The following SDR42E2 variants were observed in gnomAD, a reference collection of about 807,000 sequenced individuals.
SDR42E2 encodes the protein putative short-chain dehydrogenase/reductase family 42E member 2.
SDR42E2 carries 20 observed loss-of-function variants against 10.5 expected under a neutral mutation model. The observed-to-expected ratio is 1.90, with a 90% CI of 1.34 to 2.77. The LOEUF is 2.77. Ranked by LOEUF, SDR42E2 falls within the 30% of genes most tolerant of loss-of-function variation. The probability of loss-of-function intolerance (pLI) is 0.00; values close to 1 mark genes in which losing one functional copy is unlikely to be tolerated. For missense variants in SDR42E2, 162 were observed against 104.2 expected (o/e 1.55, Z -2.42); for synonymous variants, 72 against 39.2 (o/e 1.84, Z -3.12).
At chr16:22,178,005 C>A in intron 7 of SDR42E2, 125 bp from the exon 8 acceptor site, 2 of 590,270 alleles carry the variant, frequency 3.4e-6, no homozygotes, top group South Asian at 2.0e-5. Flanking sequence ...AACGAGGAAG[C>A]CCCTGGGCCG....
chr16:22,178,177 G>A lies in SDR42E2; in HGVS notation c.637G>A (p.Gly213Ser), dbSNP rs767684038. The change falls in exon 8 of 13, where the codon GGC (glycine) becomes AGC (serine). Residue 213 changes from glycine (G) to serine (S), a missense_variant. Transcript: ENST00000602312. ...TCVLRPPGIYGPEEQRHLPRV... is the reference protein window; with the variant it reads ...TCVLRPPGIYSPEEQRHLPRV... ...TGTGCTCCGGCCTCCAGGGATCTAC[G>A]GCCCTGAAGAGCAGAGGCACCTGCC... is the stretch of plus-strand genomic sequence containing the variant. 4 of 702,688 alleles carry A rather than the reference G, an allele frequency of 5.7e-6. No individual in the cohort carries two copies. Among genetic ancestry groups the A allele is most frequent in the African/African-American group, 1.7e-5 (1 of 57,236 alleles). The allele number at this position is 702,688 out of a possible 1,614,324, so 43.5% of individuals were successfully genotyped here. A position where few individuals can be genotyped will look rare whatever the true frequency, so the allele number is the denominator to read the frequency against.
intron 5 of SDR42E2, 71 bp from the exon 6 acceptor site, chr16:22,170,762 G>A: frequency 7.1e-6 from 5 of 700,284 alleles, no homozygotes; most frequent in Non-Finnish European, 2.6e-6. Flanking sequence ...GCTCACTTGT[G>A]TCCCGTGTGT....
chr16:22,177,451 AC>A (rs2046653786), intron 7 of SDR42E2, among the ~76,000 whole-genome samples: 1 of 151,916 alleles, frequency 6.6e-6, no homozygotes, highest in Non-Finnish European at 1.5e-5. Flanking sequence ...ACATGGTGAA[AC>A]CCCGTCTCTA....
At chr16:22,171,023 T>C in intron 6 of SDR42E2, 72 bp downstream of exon 6, 1 of 698,112 alleles carries the variant, frequency 1.4e-6, no homozygotes. Context: ...GAGGGATGGG[T>C]GGAAGCAGGG....
intron 10 of SDR42E2, among the ~76,000 whole-genome samples, chr16:22,183,237 C>T (rs7201795): frequency 0.019 from 2,878 of 152,164 alleles, 95 homozygotes; most frequent in African/African-American, 0.065. Context: ...ATTCTCCTGC[C>T]GCAGCCTCCT....
At chr16:22,179,641 G>A (rs574973235) in intron 8 of SDR42E2, among the ~76,000 whole-genome samples, 1 of 152,048 alleles carries the variant, frequency 6.6e-6, no homozygotes, top group Non-Finnish European at 1.5e-5. Context: ...GTGAAACCCT[G>A]TCTCTACTAA....
intron 10 of SDR42E2, among the ~76,000 whole-genome samples, chr16:22,183,221 C>G (rs765007784): frequency 8.5e-5 from 13 of 152,106 alleles, no homozygotes; most frequent in Non-Finnish European, 8.8e-5. Context: ...CTCCTGGGTT[C>G]AAGCGATTCT....
intron 12 of SDR42E2, 112 bp from the exon 13 acceptor site, chr16:22,190,027 A>G (rs2142085801): frequency 2.5e-6 from 1 of 399,950 alleles, no homozygotes; most frequent in South Asian, 1.4e-4. Flanking sequence ...TTAAATCACT[A>G]TGTAATGGAG....
intron 2 of SDR42E2, among the ~76,000 whole-genome samples, chr16:22,166,006 G>A (rs1445833707): frequency 6.6e-6 from 1 of 151,878 alleles, no homozygotes; most frequent in Non-Finnish European, 1.5e-5. Flanking sequence ...AGCTGGGTCG[G>A]GACCTGGTCT....
chr16:22,183,934 CAAA>C (rs60806108), intron 10 of SDR42E2, among the ~76,000 whole-genome samples: 88 of 129,536 alleles, frequency 6.8e-4, no homozygotes, highest in Middle Eastern at 4.2e-3. Flanking sequence ...TGATTCTCTG[CAAA>C]AAAAAAAAAA....
chr16:22,164,317 G>A lies in SDR42E2; in HGVS notation c.-36-1230G>A, dbSNP rs570239189. Among the ~76,000 whole-genome samples, 8 of 152,276 alleles carry A rather than the reference G, an allele frequency of 5.3e-5. No homozygotes were observed. In the South Asian group the frequency reaches 1.7e-3, roughly 32 times the overall value. On this transcript the variant is annotated intron_variant, in intron 1 of 12. Coordinates refer to ENST00000602312, the MANE Select transcript of SDR42E2 (RefSeq NM_001394319.2). ...CTCACACCTGTAATCCCAGCACTTT[G>A]GGAGGCTGAGGTGGGAGGATCACTT...
intron 3 of SDR42E2, among the ~76,000 whole-genome samples, 174 bp from the exon 4 acceptor site, chr16:22,166,730 G>A (rs754663954): frequency 5.9e-5 from 9 of 152,064 alleles, no homozygotes; most frequent in Non-Finnish European, 1.3e-4. Flanking sequence ...TGTTGCTCAC[G>A]GTGCCCTGTA....
At chr16:22,189,222 G>A (rs945333910) in intron 12 of SDR42E2, among the ~76,000 whole-genome samples, 1 of 152,184 alleles carries the variant, frequency 6.6e-6, no homozygotes, top group Non-Finnish European at 1.5e-5. Context: ...CCCAGGGGCT[G>A]TTTCAATGCC....
At chr16:22,185,667 G>T (rs2046731562) in intron 11 of SDR42E2, among the ~76,000 whole-genome samples, 1 of 152,058 alleles carries the variant, frequency 6.6e-6, no homozygotes, top group Admixed American at 6.6e-5. Context: ...GAGTGCAGTG[G>T]CATGATCATA....
chr16:22,172,304 C>T lies in SDR42E2; in HGVS notation c.562C>T (p.Leu188Phe), dbSNP rs1318210256. ...CAAAGCCATCGCCGACCAATTGACC[C>T]TCATGGCCAATGGGATGCCTCTCCC... Reference protein sequence around the residue: ...RTKAIADQLTLMANGMPLPGG... With the variant: ...RTKAIADQLTFMANGMPLPGG... Residue 188 changes from leucine to phenylalanine, a missense_variant, in exon 7 of 13, where the codon CTC (leucine) becomes TTC (phenylalanine). By Grantham distance (22) the Leu-to-Phe change is conservative (BLOSUM62 0). Transcript: ENST00000602312. 4.3e-6 allele frequency: 3 copies of T among 703,214 alleles called. No homozygotes were observed. Among genetic ancestry groups the T allele is most frequent in the Non-Finnish European group, 7.8e-6 (3 of 385,008 alleles). 43.6% of individuals were successfully genotyped at this position (703,214 alleles called of 1,614,324 possible).
At chr16:22,163,245 G>T (rs1342330249) in intron 1 of SDR42E2, among the ~76,000 whole-genome samples, 1 of 152,098 alleles carries the variant, frequency 6.6e-6, no homozygotes, top group East Asian at 1.9e-4. Context: ...GCCACAAAAG[G>T]CATCCTCTTA....
intron 11 of SDR42E2, among the ~76,000 whole-genome samples, chr16:22,184,917 AC>A (rs1278934137): frequency 6.6e-6 from 1 of 152,156 alleles, no homozygotes; most frequent in Admixed American, 6.5e-5. Context: ...GGCGGAATTC[AC>A]AACTGGGCTT....
In SDR42E2 at chr16:22,182,170, T is replaced by C. The variant is rs867255148; in HGVS notation, c.811-42T>C. ...CATCTGGAAGGGTGGGGCAGGCTGC[T>C]GGGGAGAAGGCTGACCGTCCCCTCC... On this transcript the variant is annotated intron_variant, in intron 9 of 12. Transcript: ENST00000602312. 2.3e-4 allele frequency: 93 copies of C among 407,170 alleles called. No homozygotes were observed. The Middle Eastern group carries it at 2.4e-3, about 11-fold the overall frequency. The allele number at this position is 407,170 out of a possible 1,614,324, so 25.2% of individuals were successfully genotyped here.
intron 12 of SDR42E2, among the ~76,000 whole-genome samples, chr16:22,189,071 G>A (rs1344627231): frequency 6.6e-6 from 1 of 152,136 alleles, no homozygotes; most frequent in Non-Finnish European, 1.5e-5. Flanking sequence ...AGACATCTAG[G>A]TGTATTAGGG....
Sources: allele counts gnomAD v4.1 joint callset (sites outside exome capture counted in the v4.1 genomes callset), GRCh38; gene constraint gnomAD v4.1.1; transcripts MANE v1.5; gene names NCBI Gene and HGNC (gene_info 2026-07-23, HGNC 2026-07-21).